The following KAT7 variants were observed in gnomAD, a reference collection of about 807,000 sequenced individuals.
The protein encoded by KAT7 is histone acetyltransferase KAT7.
KAT7 carries 10 observed loss-of-function variants against 82.1 expected under a neutral mutation model. That is an observed-to-expected ratio of 0.12 (90% confidence interval 0.08 to 0.21). The LOEUF (loss-of-function observed/expected upper bound fraction) is 0.21. Among genes scored for constraint, KAT7 ranks in the 10% least tolerant of loss-of-function variants. The pLI is 1.00. For synonymous variants in KAT7, 250 were observed against 262.5 expected (o/e 0.95, Z 0.46); for missense variants, 378 against 760.9 (o/e 0.50, Z 5.92).
chr17:49,825,749 G>A (rs1196475574), intron 12 of KAT7, among the ~76,000 whole-genome samples: 1 of 152,158 alleles, frequency 6.6e-6, no homozygotes, highest in Admixed American at 6.6e-5. Flanking sequence ...GCCTCCACTG[G>A]GAGTTTTGGA....
chr17:49,799,118 T>A (rs532360053), intron 4 of KAT7, among the ~76,000 whole-genome samples: 9 of 152,246 alleles, frequency 5.9e-5, no homozygotes, highest in Admixed American at 6.5e-5. Flanking sequence ...TATATTCTTA[T>A]GAGTTTTACC....
chr17:49,819,288 AC>A (rs1185107574), intron 9 of KAT7, among the ~76,000 whole-genome samples: 2 of 152,092 alleles, frequency 1.3e-5, no homozygotes, highest in African/African-American at 4.8e-5. Flanking sequence ...GGTTCTCCAG[AC>A]CCTGGCACAC....
At chr17:49,808,914 A>G (rs928480314) in intron 5 of KAT7, among the ~76,000 whole-genome samples, 2 of 152,218 alleles carry the variant, frequency 1.3e-5, no homozygotes, top group Non-Finnish European at 2.9e-5. Context: ...GGATCATTTC[A>G]ACTTCTCTGA....
intron 2 of KAT7, among the ~76,000 whole-genome samples, chr17:49,794,983 T>C (rs920256990): frequency 1.3e-5 from 2 of 152,104 alleles, no homozygotes; most frequent in Admixed American, 6.5e-5. Context: ...TTTTCTTCTT[T>C]AGAGAATCTA....
intron 9 of KAT7, among the ~76,000 whole-genome samples, chr17:49,820,380 C>T (rs1208920703): frequency 1.3e-5 from 2 of 152,018 alleles, no homozygotes; most frequent in Non-Finnish European, 2.9e-5. Flanking sequence ...CTCCACCTCC[C>T]GGATTCTTCT....
chr17:49,817,699 T>C, intron 8 of KAT7, 121 bp from the exon 9 acceptor site: 1 of 718,904 alleles, frequency 1.4e-6, no homozygotes, highest in Non-Finnish European at 2.3e-6. Context: ...ACTCCTGGCC[T>C]TAAGTGACCT....
At chr17:49,826,849 TAGCAG>T in intron 14 of KAT7, 50 bp downstream of exon 14, 1 of 1,248,634 alleles carries the variant, frequency 8.0e-7, no homozygotes. Flanking sequence ...CTTCAAGACT[TAGCAG>T]AGCAAAGTAT....
intron 4 of KAT7, among the ~76,000 whole-genome samples, chr17:49,799,206 G>A (rs2073992899): frequency 6.6e-6 from 1 of 152,128 alleles, no homozygotes; most frequent in South Asian, 2.1e-4. Context: ...TGCAAATATT[G>A]GGCTTAAGGT....
chr17:49,789,030 C>G (rs1205328244), intron 1 of KAT7, 181 bp downstream of exon 1: 12 of 479,332 alleles, frequency 2.5e-5, no homozygotes, highest in Non-Finnish European at 4.4e-5. Context: ...TGGCCTCGGC[C>G]TATGCTTGCA....
intron 4 of KAT7, among the ~76,000 whole-genome samples, chr17:49,804,061 G>A (rs1057206508): frequency 3.9e-5 from 6 of 151,960 alleles, no homozygotes; most frequent in Non-Finnish European, 7.4e-5. Flanking sequence ...AATTCCCTGT[G>A]TGTTTTCAAA....
At chr17:49,806,253 T>C (rs2074090282) in intron 5 of KAT7, among the ~76,000 whole-genome samples, 1 of 151,520 alleles carries the variant, frequency 6.6e-6, no homozygotes, top group Admixed American at 6.6e-5. Context: ...AAAATTAGAT[T>C]CCCTAGCTAA....
chr17:49,797,310 G>A (rs1487878113), intron 3 of KAT7, among the ~76,000 whole-genome samples: 7 of 152,078 alleles, frequency 4.6e-5, no homozygotes, highest in Non-Finnish European at 8.8e-5. Flanking sequence ...TGATCCACCC[G>A]CCTCAGCCTC....
At chr17:49,805,869 C>T (rs537724374) in intron 5 of KAT7, among the ~76,000 whole-genome samples, 30 of 152,270 alleles carry the variant, frequency 2.0e-4, no homozygotes, top group South Asian at 6.2e-4. Flanking sequence ...AATTCTTGTT[C>T]CTTTTTCTGT....
intron 9 of KAT7, among the ~76,000 whole-genome samples, chr17:49,819,254 G>T (rs920206255): frequency 6.6e-6 from 1 of 152,070 alleles, no homozygotes; most frequent in African/African-American, 2.4e-5. Flanking sequence ...TAAGTTCAGG[G>T]CCCAGAACTG....
At chr17:49,827,323 C>T (rs1003984862) in intron 14 of KAT7, 78 bp from the exon 15 acceptor site, 15 of 835,156 alleles carry the variant, frequency 1.8e-5, no homozygotes, top group Middle Eastern at 2.2e-4. Context: ...TCCTTCTTGG[C>T]GGTTAGTTAT....
chr17:49,826,625 C>G (rs2074371424), intron 13 of KAT7, 68 bp from the exon 14 acceptor site: 2 of 986,664 alleles, frequency 2.0e-6, no homozygotes, highest in African/African-American at 3.2e-5. Flanking sequence ...GGAAAGTAGA[C>G]CTTGGTTGGG....
intron 3 of KAT7, 57 bp downstream of exon 3, chr17:49,796,983 T>A: frequency 1.3e-6 from 2 of 1,502,846 alleles, no homozygotes; most frequent in Non-Finnish European, 1.8e-6. Flanking sequence ...GAAATTCTTT[T>A]TAAGGAGGGC....
At chr17:49,816,040 TC>T (rs2074229817) in intron 8 of KAT7, 127 bp downstream of exon 8, 1 of 609,324 alleles carries the variant, frequency 1.6e-6, no homozygotes, top group African/African-American at 1.9e-5. Flanking sequence ...TTTCCCTGTC[TC>T]CCAGCTGTCC....
At chr17:49,801,057 G>A (rs1483283170) in intron 4 of KAT7, among the ~76,000 whole-genome samples, 1 of 152,156 alleles carries the variant, frequency 6.6e-6, no homozygotes, top group Non-Finnish European at 1.5e-5. Context: ...TGACCAGAAC[G>A]GAGAGGAGGA....
Sources: allele counts gnomAD v4.1 joint callset (sites outside exome capture counted in the v4.1 genomes callset), GRCh38; gene constraint gnomAD v4.1.1; transcripts MANE v1.5; gene names NCBI Gene and HGNC (gene_info 2026-07-23, HGNC 2026-07-21).